The following MYH11 variants were observed in gnomAD, a reference collection of about 807,000 sequenced individuals.
The protein encoded by MYH11 is myosin-11.
Under a neutral mutation model 246.6 loss-of-function variants are expected in MYH11, and 80 were observed. The observed-to-expected ratio is 0.32, with a 90% CI of 0.27 to 0.39. The LOEUF (loss-of-function observed/expected upper bound fraction) is 0.39, where lower values mean the gene tolerates loss of function less well. Among genes scored for constraint, MYH11 ranks in the 10% least tolerant of loss-of-function variants. The pLI, the probability that MYH11 is intolerant of heterozygous loss-of-function variation, is 1.00. For missense variants in MYH11, 2,158 were observed against 2,546.8 expected (o/e 0.85, Z 3.29); for synonymous variants, 1,071 against 1,015.5 (o/e 1.05, Z -1.04).
chr16:15,715,332 G>T, intron 38 of MYH11, 60 bp from the exon 39 acceptor site: 1 of 1,548,034 alleles, frequency 6.5e-7, no homozygotes, highest in Non-Finnish European at 8.9e-7. Context: ...TGTAGCTGGT[G>T]TGTCACCTGG....
chr16:15,711,915 A>C (rs977677644), intron 40 of MYH11, among the ~76,000 whole-genome samples: 2 of 151,916 alleles, frequency 1.3e-5, no homozygotes, highest in Admixed American at 6.6e-5. Flanking sequence ...CTGGCCTTGA[A>C]CTCCTGACCT....
intron 30 of MYH11, 27 bp from the exon 31 acceptor site, chr16:15,724,436 TGA>T: frequency 6.2e-6 from 10 of 1,612,858 alleles, no homozygotes; most frequent in Non-Finnish European, 8.5e-6. Flanking sequence ...CAGGGTAGGG[TGA>T]GAGGGGGACC....
chr16:15,808,736 T>C (rs1046027249), intron 3 of MYH11, among the ~76,000 whole-genome samples: 2 of 151,978 alleles, frequency 1.3e-5, no homozygotes, highest in Non-Finnish European at 2.9e-5. Flanking sequence ...AAAAAAAATT[T>C]TTTTTAATTA....
intron 4 of MYH11, among the ~76,000 whole-genome samples, chr16:15,790,490 A>T (rs2042583284): frequency 6.6e-6 from 1 of 152,098 alleles, no homozygotes; most frequent in Non-Finnish European, 1.5e-5. Context: ...TGAGAAAAAT[A>T]AATTGCCCTG....
chr16:15,721,715 G>A, intron 31 of MYH11, 81 bp from the exon 32 acceptor site: 1 of 1,446,032 alleles, frequency 6.9e-7, no homozygotes, highest in Non-Finnish European at 9.7e-7. Flanking sequence ...GGGAAGCCCT[G>A]TGTCCTGCTG....
chr16:15,709,455 C>G (rs988366234), intron 40 of MYH11, among the ~76,000 whole-genome samples: 5 of 152,148 alleles, frequency 3.3e-5, no homozygotes, highest in African/African-American at 1.2e-4. Context: ...GCTGGGATTA[C>G]AGGCATGCAC....
chr16:15,735,552 T>C lies in MYH11; in HGVS notation c.3320A>G (p.Asn1107Ser). ...ARLDDEIAQK[N>S]NALKKIRELE... ...CTCCCGGATCTTCTTCAGGGCATTG[T>C]TCTTCTGAGCGATTTCATCGTCAAG... Residue 1107 changes from asparagine to serine, a missense_variant, in exon 26 of 41, where the codon AAC becomes AGC. Transcript: ENST00000300036. 6.2e-7 allele frequency: 1 copy of C among 1,614,220 alleles called. No homozygotes were observed. Among genetic ancestry groups the C allele is most frequent in the South Asian group, 1.1e-5 (1 of 91,092 alleles).
chr16:15,783,792 C>T (rs2042407840), intron 5 of MYH11, among the ~76,000 whole-genome samples: 1 of 152,058 alleles, frequency 6.6e-6, no homozygotes, highest in Non-Finnish European at 1.5e-5. Flanking sequence ...CTGGTTCAAA[C>T]CCTCAATTTT....
chr16:15,725,154 C>A (rs1330439565), intron 28 of MYH11, 162 bp from the exon 29 acceptor site: 3 of 648,878 alleles, frequency 4.6e-6, no homozygotes, highest in African/African-American at 3.7e-5. Context: ...AAAAAACACA[C>A]ACACACACAA....
At chr16:15,825,297 C>T (rs1021731582) in intron 2 of MYH11, among the ~76,000 whole-genome samples, 1 of 151,352 alleles carries the variant, frequency 6.6e-6, no homozygotes, top group South Asian at 2.1e-4. Context: ...GCCTGTAATC[C>T]CAGCACTTTG....
intron 1 of MYH11, among the ~76,000 whole-genome samples, chr16:15,851,098 G>C (rs1259557347): frequency 6.6e-6 from 1 of 152,062 alleles, no homozygotes; most frequent in Non-Finnish European, 1.5e-5. Flanking sequence ...TGCCACACAG[G>C]CAAAACAGAA....
chr16:15,763,658 G>T (rs2041916215), intron 10 of MYH11, 138 bp downstream of exon 10: 1 of 767,932 alleles, frequency 1.3e-6, no homozygotes, highest in African/African-American at 1.7e-5. Flanking sequence ...GTTTGAAAAA[G>T]TGAGTGATAA....
chr16:15,809,180 A>T (rs1162413835), intron 3 of MYH11, among the ~76,000 whole-genome samples: 4 of 152,194 alleles, frequency 2.6e-5, no homozygotes, highest in Non-Finnish European at 5.9e-5. Flanking sequence ...GGGATGATTC[A>T]ATTCGTATTT....
rs1555569323 is a variant in MYH11 at position 15,788,075 on chromosome 16, A to ATTTTTTTTTTTTTTTTTT, written c.531-1344_531-1343insAAAAAAAAAAAAAAAAAA. 4.0e-4 allele frequency among the ~76,000 whole-genome samples: 17 copies of ATTTTTTTTTTTTTTTTTT among 42,720 alleles called. 2 individuals are homozygous for ATTTTTTTTTTTTTTTTTT. The highest frequency in any genetic ancestry group is 2.2e-3 in the African/African-American group (17 of 7,624). 28.0% of individuals were successfully genotyped at this position (42,720 alleles called of 152,430 possible). ...ATGTCCTCCTGGAATATGAAGGTAG[A>ATTTTTTTTTTTTTTTTTT]TCTTTTTTTTTTTTTTTTTTACCAA... On this transcript the variant is annotated intron_variant, in intron 4 of 40. Transcript: ENST00000300036.
At chr16:15,824,546 G>C (rs1220105790) in intron 2 of MYH11, among the ~76,000 whole-genome samples, 1 of 152,188 alleles carries the variant, frequency 6.6e-6, no homozygotes, top group Non-Finnish European at 1.5e-5. Context: ...CTCCCAAAGT[G>C]CTGGGATTAC....
At chr16:15,812,569 A>AAG (rs1459316693) in intron 3 of MYH11, among the ~76,000 whole-genome samples, 1 of 150,302 alleles carries the variant, frequency 6.7e-6, no homozygotes, top group African/African-American at 2.4e-5. Flanking sequence ...AAAAAAAAAA[A>AAG]AAAAAAAAAA....
At chr16:15,734,906 G>A (rs2041069514) in intron 26 of MYH11, among the ~76,000 whole-genome samples, 1 of 152,164 alleles carries the variant, frequency 6.6e-6, no homozygotes, top group African/African-American at 2.4e-5. Context: ...AGGGTCGGGT[G>A]CAGTGGCTCA....
intron 27 of MYH11, among the ~76,000 whole-genome samples, chr16:15,728,335 T>C (rs2040859329): frequency 6.6e-6 from 1 of 152,154 alleles, no homozygotes; most frequent in African/African-American, 2.4e-5. Flanking sequence ...TAAATTTTAC[T>C]ACATATGCCT....
At chr16:15,719,759 C>A (rs1286996283) in intron 34 of MYH11, 46 bp from the exon 35 acceptor site, 1 of 1,613,094 alleles carries the variant, frequency 6.2e-7, no homozygotes, top group East Asian at 2.2e-5. Context: ...CCTTACTCCC[C>A]CAAGTTCTGC....
Sources: allele counts gnomAD v4.1 joint callset (sites outside exome capture counted in the v4.1 genomes callset), GRCh38; gene constraint gnomAD v4.1.1; transcripts MANE v1.5; gene names NCBI Gene and HGNC (gene_info 2026-07-23, HGNC 2026-07-21).